CREB5: variants seen among roughly 807,000 people sequenced by gnomAD.
The protein encoded by CREB5 is cAMP responsive element binding protein 5, also known as cyclic AMP-responsive element-binding protein 5.
In CREB5, 19 loss-of-function variants were observed where a neutral mutation model predicts 57.1. That is an observed-to-expected ratio of 0.33 (90% CI 0.23 to 0.49). CREB5 has a LOEUF of 0.49. Among genes scored for constraint, CREB5 ranks in the 20% least tolerant of loss-of-function variants. CREB5 has a pLI of 0.99. For missense variants in CREB5, 579 were observed against 671.6 expected (o/e 0.86, Z 1.52); for synonymous variants, 238 against 238.3 (o/e 1.00, Z 0.01).
intron 7 of CREB5, among the ~76,000 whole-genome samples, chr7:28,728,726 A>G (rs529083734): frequency 3.9e-5 from 6 of 152,356 alleles, no homozygotes; most frequent in African/African-American, 1.4e-4. Context: ...CCCATGAATG[A>G]GAAATGAATT....
chr7:28,385,549 G>A (rs979512259), intron 1 of CREB5, among the ~76,000 whole-genome samples: 6 of 152,000 alleles, frequency 3.9e-5, no homozygotes, highest in Non-Finnish European at 7.4e-5. Flanking sequence ...GGTGGTGCGT[G>A]CCTGTAGTCC....
chr7:28,753,554 A>T (rs951689381), intron 7 of CREB5, among the ~76,000 whole-genome samples: 2 of 152,212 alleles, frequency 1.3e-5, no homozygotes, highest in African/African-American at 4.8e-5. Flanking sequence ...GAAAATTAGC[A>T]GTAATTCCAT....
At chr7:28,724,078 T>G in intron 6 of CREB5, 144 bp from the exon 7 acceptor site, 1 of 648,020 alleles carries the variant, frequency 1.5e-6, no homozygotes, top group Non-Finnish European at 2.5e-6. Context: ...AGGAGGGCAT[T>G]GCTTACCACA....
chr7:28,429,491 T>G (rs188745426), intron 1 of CREB5, among the ~76,000 whole-genome samples: 5 of 152,370 alleles, frequency 3.3e-5, no homozygotes, highest in Admixed American at 3.3e-4. Context: ...ACTTTACACT[T>G]GATGCGTCGC....
chr7:28,416,696 G>C (rs1788039981), intron 1 of CREB5, among the ~76,000 whole-genome samples: 1 of 152,190 alleles, frequency 6.6e-6, no homozygotes, highest in African/African-American at 2.4e-5. Flanking sequence ...ATGATCCTGT[G>C]TCGAAGGTGA....
At chr7:28,685,529 CT>C (rs1269003990) in intron 5 of CREB5, among the ~76,000 whole-genome samples, 1 of 152,184 alleles carries the variant, frequency 6.6e-6, no homozygotes, top group Non-Finnish European at 1.5e-5. Context: ...TCACCTGGTT[CT>C]GAACCAAAGC....
chr7:28,514,865 A>G (rs1792879535), intron 4 of CREB5, among the ~76,000 whole-genome samples: 1 of 152,186 alleles, frequency 6.6e-6, no homozygotes, highest in South Asian at 2.1e-4. Flanking sequence ...GGAGGTGCTA[A>G]TGTCTCCCTT....
chr7:28,619,139 A>G (rs932334886), intron 5 of CREB5, among the ~76,000 whole-genome samples: 1 of 152,242 alleles, frequency 6.6e-6, no homozygotes, highest in Non-Finnish European at 1.5e-5. Context: ...CTTATGAGGC[A>G]GATATCATCA....
chr7:28,301,052 G>A (rs967952752), intron 1 of CREB5, among the ~76,000 whole-genome samples: 2 of 152,100 alleles, frequency 1.3e-5, no homozygotes, highest in African/African-American at 4.8e-5. Flanking sequence ...GTTCACAGTA[G>A]GATCTACATT....
chr7:28,717,076 G>A (rs528594122), intron 5 of CREB5, among the ~76,000 whole-genome samples: 50 of 134,584 alleles, frequency 3.7e-4, no homozygotes, highest in Admixed American at 3.4e-3. Flanking sequence ...CTGCGGAAAG[G>A]CTTTATATTC....
In CREB5 at chr7:28,556,380, C is replaced by T. The variant is rs555342619; in HGVS notation, c.292-13985C>T. On this transcript the variant is annotated intron_variant, in intron 4 of 10. Transcript: ENST00000357727. ...TGGGTTCAGAGGAGCCACGCTTGCC[C>T]GAGCTCATCTTTGTGGGGTGGAGCC... Among the ~76,000 whole-genome samples, 13 of 152,182 alleles carry T rather than the reference C, an allele frequency of 8.5e-5. No individual in the cohort carries two copies. In the South Asian group the frequency reaches 1.9e-3, roughly 22 times the overall value.
At chr7:28,761,047 T>TC (rs1805613583) in intron 7 of CREB5, among the ~76,000 whole-genome samples, 1 of 152,118 alleles carries the variant, frequency 6.6e-6, no homozygotes, top group East Asian at 1.9e-4. Flanking sequence ...ATGCGCTTCC[T>TC]CCGGCTATCC....
chr7:28,660,045 T>G (rs1341323849), intron 5 of CREB5, among the ~76,000 whole-genome samples: 1 of 152,194 alleles, frequency 6.6e-6, no homozygotes, highest in African/African-American at 2.4e-5. Context: ...AGCAGTGGCC[T>G]TGGAGCAAAA....
intron 1 of CREB5, among the ~76,000 whole-genome samples, chr7:28,463,727 G>A (rs181603425): frequency 2.6e-5 from 4 of 152,074 alleles, no homozygotes; most frequent in Admixed American, 2.6e-4. Flanking sequence ...CTCATTGCTG[G>A]TGTATAGAAA....
intron 5 of CREB5, among the ~76,000 whole-genome samples, chr7:28,693,341 A>G (rs1161090208): frequency 6.6e-6 from 1 of 152,222 alleles, no homozygotes; most frequent in African/African-American, 2.4e-5. Flanking sequence ...ATGAATTACT[A>G]TGTTTTAGGA....
At chr7:28,541,190 G>A (rs187081336) in intron 4 of CREB5, among the ~76,000 whole-genome samples, 224 of 152,350 alleles carry the variant, frequency 1.5e-3, no homozygotes, top group African/African-American at 5.1e-3. Context: ...GTACGGATGA[G>A]AAGTATAAAA....
intron 1 of CREB5, among the ~76,000 whole-genome samples, chr7:28,397,952 A>T (rs1351201872): frequency 2.6e-5 from 4 of 152,196 alleles, no homozygotes; most frequent in African/African-American, 7.2e-5. Context: ...AATATATATA[A>T]CAAAATTTAC....
intron 4 of CREB5, among the ~76,000 whole-genome samples, chr7:28,534,068 G>C (rs920160890): frequency 5.3e-5 from 8 of 152,158 alleles, no homozygotes; most frequent in African/African-American, 9.7e-5. Context: ...GACAACACTG[G>C]GGGGAAGAGT....
At chr7:28,659,938 A>T (rs1799533012) in intron 5 of CREB5, among the ~76,000 whole-genome samples, 1 of 152,204 alleles carries the variant, frequency 6.6e-6, no homozygotes. Flanking sequence ...AACAGTAGAG[A>T]AAAGTTAAAG....
Sources: gnomAD v4.1 joint callset for allele counts (sites outside exome capture counted in the v4.1 genomes callset) on GRCh38, gnomAD v4.1.1 for gene constraint, MANE v1.5 for transcripts, NCBI Gene and HGNC (gene_info 2026-07-23, HGNC 2026-07-21) for gene names.